Variants in EPHA6 observed in about 807,000 individuals in gnomAD.
EPHA6 encodes ephrin type-A receptor 6.
In EPHA6, 50 loss-of-function variants were observed where a neutral mutation model predicts 112.0. That is an observed-to-expected ratio of 0.45 (90% CI 0.36 to 0.56). The LOEUF is 0.56. Ranked by LOEUF, EPHA6 falls within the 20% of genes least tolerant of loss-of-function variation. The pLI is 0.00. For missense variants in EPHA6, 1,280 were observed against 1,417.4 expected (o/e 0.90, Z 1.56); for synonymous variants, 529 against 490.7 (o/e 1.08, Z -1.03).
intron 5 of EPHA6, among the ~76,000 whole-genome samples, chr3:97,265,811 T>G (rs1359409863): frequency 6.6e-6 from 1 of 152,202 alleles, no homozygotes; most frequent in Non-Finnish European, 1.5e-5. Context: ...GCCGGCGCAA[T>G]GGCAGCAGCG....
At chr3:97,568,504 C>A (rs1481911359) in intron 11 of EPHA6, among the ~76,000 whole-genome samples, 1 of 152,202 alleles carries the variant, frequency 6.6e-6, no homozygotes, top group Admixed American at 6.5e-5. Context: ...TTGCTAATTG[C>A]TGTGCCTGCT....
chr3:97,175,855 C>T (rs1292687952), intron 3 of EPHA6, among the ~76,000 whole-genome samples: 1 of 151,744 alleles, frequency 6.6e-6, no homozygotes, highest in Non-Finnish European at 1.5e-5. Context: ...CAAACAAGGA[C>T]AATTTAATTT....
intron 2 of EPHA6, among the ~76,000 whole-genome samples, chr3:96,888,813 A>G (rs904207142): frequency 1.3e-5 from 2 of 152,154 alleles, no homozygotes; most frequent in Admixed American, 6.5e-5. Flanking sequence ...TACTTATGCA[A>G]ATTTCTACAG....
chr3:97,162,145 G>A (rs111991789), intron 3 of EPHA6, among the ~76,000 whole-genome samples: 8,840 of 152,226 alleles, frequency 0.058, 873 homozygotes, highest in African/African-American at 0.2. Flanking sequence ...CTCCTGCACA[G>A]GTCAAATAGT....
intron 3 of EPHA6, among the ~76,000 whole-genome samples, chr3:97,030,690 T>C (rs2044797831): frequency 6.6e-6 from 1 of 152,060 alleles, no homozygotes; most frequent in African/African-American, 2.4e-5. Context: ...ATGAGGAGTT[T>C]GTAAATGCAA....
chr3:97,425,295 C>G (rs2089019376), intron 6 of EPHA6, among the ~76,000 whole-genome samples: 1 of 152,216 alleles, frequency 6.6e-6, no homozygotes, highest in Admixed American at 6.5e-5. Context: ...TTCATGAAGG[C>G]TTCATCCCTG....
At chr3:96,932,946 T>G in intron 2 of EPHA6, among the ~76,000 whole-genome samples, 1 of 152,146 alleles carries the variant, frequency 6.6e-6, no homozygotes, top group Non-Finnish European at 1.5e-5. Flanking sequence ...TATAGGATTT[T>G]TAAAGGGAAA....
intron 11 of EPHA6, among the ~76,000 whole-genome samples, chr3:97,538,916 C>A (rs1421917177): frequency 6.6e-6 from 1 of 152,122 alleles, no homozygotes; most frequent in Non-Finnish European, 1.5e-5. Flanking sequence ...CAGCATTTTT[C>A]AGTTAATCAT....
intron 14 of EPHA6, among the ~76,000 whole-genome samples, chr3:97,660,489 A>G (rs1220460229): frequency 1.3e-5 from 2 of 152,100 alleles, no homozygotes; most frequent in African/African-American, 4.8e-5. Flanking sequence ...CTTGCCTGGA[A>G]CAATCCAAGA....
chr3:96,999,097 A>C (rs527831839), intron 3 of EPHA6, among the ~76,000 whole-genome samples: 1 of 151,918 alleles, frequency 6.6e-6, no homozygotes, highest in African/African-American at 2.4e-5. Flanking sequence ...GGATCAAATT[A>C]ATCTGATTAT....
At chr3:96,986,427 C>A (rs1225613439) in intron 2 of EPHA6, among the ~76,000 whole-genome samples, 1 of 152,032 alleles carries the variant, frequency 6.6e-6, no homozygotes, top group African/African-American at 2.4e-5. Context: ...TTTCAGTGCC[C>A]ACTTATGCTC....
chr3:97,552,150 A>G (rs2093037045), intron 11 of EPHA6, among the ~76,000 whole-genome samples: 1 of 152,216 alleles, frequency 6.6e-6, no homozygotes, highest in Non-Finnish European at 1.5e-5. Flanking sequence ...AATATTTCAC[A>G]CAAGCTACCT....
intron 5 of EPHA6, among the ~76,000 whole-genome samples, chr3:97,319,743 A>G (rs2082018859): frequency 1.3e-5 from 2 of 151,716 alleles, no homozygotes; most frequent in South Asian, 2.1e-4. Flanking sequence ...GGAAAAATAT[A>G]TAAAGCCTCC....
At chr3:96,924,072 T>G (rs2039911809) in intron 2 of EPHA6, among the ~76,000 whole-genome samples, 2 of 152,200 alleles carry the variant, frequency 1.3e-5, no homozygotes, top group South Asian at 4.1e-4. Context: ...TGAAGCCAGA[T>G]AGTGTGATAC....
At chr3:96,981,413 G>T (rs2042770348) in intron 2 of EPHA6, among the ~76,000 whole-genome samples, 1 of 152,074 alleles carries the variant, frequency 6.6e-6, no homozygotes. Context: ...CTTGATCATG[G>T]TGGATAAGCT....
intron 3 of EPHA6, among the ~76,000 whole-genome samples, chr3:97,170,271 T>G (rs1019741971): frequency 1.3e-5 from 2 of 152,168 alleles, no homozygotes; most frequent in Admixed American, 1.3e-4. Context: ...TTACTATTAG[T>G]GCAACTTTAT....
intron 3 of EPHA6, among the ~76,000 whole-genome samples, chr3:97,173,679 T>TA (rs1372318927): frequency 6.6e-6 from 1 of 151,834 alleles, no homozygotes; most frequent in Non-Finnish European, 1.5e-5. Context: ...GATGTGAAAA[T>TA]AAAAGTACTT....
intron 14 of EPHA6, among the ~76,000 whole-genome samples, chr3:97,666,322 A>G (rs2107646952): frequency 6.6e-6 from 1 of 152,340 alleles, no homozygotes; most frequent in Middle Eastern, 3.4e-3. Context: ...TTAGTTTGCT[A>G]AGGCTGCCAT....
chr3:97,021,534 C>T (rs1245583249), intron 3 of EPHA6, among the ~76,000 whole-genome samples: 2 of 152,186 alleles, frequency 1.3e-5, no homozygotes, highest in East Asian at 1.9e-4. Context: ...AGCAGAATGC[C>T]ACAAATTTAT....
Sources: allele counts gnomAD v4.1 joint callset (sites outside exome capture counted in the v4.1 genomes callset), GRCh38; gene constraint gnomAD v4.1.1; transcripts MANE v1.5; gene names NCBI Gene and HGNC (gene_info 2026-07-23, HGNC 2026-07-21).